PCDHA9: variants seen among roughly 807,000 people sequenced by gnomAD.
PCDHA9 encodes protocadherin alpha 9.
In PCDHA9, 62 loss-of-function variants were observed where a neutral mutation model predicts 62.0. The ratio of observed to expected loss-of-function variants is 1.00; its 90% CI spans 0.81 to 1.23. The LOEUF (loss-of-function observed/expected upper bound fraction) is 1.23. Among genes scored for constraint, PCDHA9 ranks in the 50% most tolerant of loss-of-function variants. PCDHA9 has a pLI of 0.00. For synonymous variants in PCDHA9, 557 were observed against 567.6 expected, an observed-to-expected ratio of 0.98 and a Z score of 0.27; for missense variants, 1,205 against 1,249.8, an observed-to-expected ratio of 0.96 and a Z score of 0.54.
chr5:140,987,799 A>C (rs2097268880), intron 3 of PCDHA9, among the ~76,000 whole-genome samples: 2 of 152,140 alleles, frequency 1.3e-5, no homozygotes, highest in South Asian at 4.1e-4. Flanking sequence ...GATTTTTTTA[A>C]AGTGCCTGTC....
chr5:140,861,274 GCT>G lies in PCDHA9; in HGVS notation c.2394+10386_2394+10387del, dbSNP rs538032435. The G allele has an allele frequency of 1.4e-4, 25 of 180,670 alleles. 1 individual carries two copies. In the South Asian group the frequency reaches 2.9e-3, roughly 21 times the overall value. 11.2% of individuals were successfully genotyped at this position (180,670 alleles called of 1,614,324 possible). On this transcript the variant is annotated intron_variant, in intron 1 of 3. Transcript: ENST00000532602. The stretch of plus-strand genomic sequence containing the variant: ...AGGAATCCCGGAGCCTACAGCACTG[GCT>G]TCTGCTCCTTGAATTTTGTGAAGCG...
chr5:140,861,130 A>C (rs1554154191), intron 1 of PCDHA9: 1 of 153,606 alleles, frequency 6.5e-6, no homozygotes, highest in Non-Finnish European at 1.4e-5. Flanking sequence ...CATTAAGACC[A>C]CTTGGAACCT....
At chr5:140,871,103 C>A (rs202137231) in intron 1 of PCDHA9, 29 of 1,613,172 alleles carry the variant, frequency 1.8e-5, no homozygotes, top group South Asian at 1.2e-4. Context: ...GTGCTGGTGT[C>A]GTTGGTGGAG....
At chr5:140,899,574 C>T (rs890849786) in intron 1 of PCDHA9, among the ~76,000 whole-genome samples, 2 of 152,112 alleles carry the variant, frequency 1.3e-5, no homozygotes, top group African/African-American at 4.8e-5. Context: ...CTGCTGGATT[C>T]GGTTTGCCAG....
At chr5:140,902,103 A>AT (rs1435105079) in intron 1 of PCDHA9, among the ~76,000 whole-genome samples, 1 of 151,172 alleles carries the variant, frequency 6.6e-6, no homozygotes, top group Non-Finnish European at 1.5e-5. Context: ...GAGTCTTTAG[A>AT]TTTTTTTAAA....
chr5:140,850,931 T>C, intron 1 of PCDHA9, 42 bp downstream of exon 1: 1 of 1,516,410 alleles, frequency 6.6e-7, no homozygotes, highest in Non-Finnish European at 8.9e-7. Flanking sequence ...TAATTTTTTT[T>C]CTTGAAAGAT....
At chr5:140,990,341 C>A (rs2097389083) in intron 3 of PCDHA9, among the ~76,000 whole-genome samples, 1 of 152,110 alleles carries the variant, frequency 6.6e-6, no homozygotes, top group South Asian at 2.1e-4. Flanking sequence ...ATAAGTAAAG[C>A]CTGCCCTGTA....
intron 1 of PCDHA9, among the ~76,000 whole-genome samples, chr5:140,880,084 T>C (rs1554171167): frequency 6.6e-6 from 1 of 152,208 alleles, no homozygotes. Context: ...CAACCTATTA[T>C]AGTAGGCTTA....
chr5:140,854,848 A>C (rs1384152430), intron 1 of PCDHA9, among the ~76,000 whole-genome samples: 2 of 149,876 alleles, frequency 1.3e-5, no homozygotes, highest in African/African-American at 4.9e-5. Flanking sequence ...ACATTGATAA[A>C]ATTACTAGAT....
chr5:140,879,126 G>T (rs2057860982), intron 1 of PCDHA9, among the ~76,000 whole-genome samples: 2 of 152,182 alleles, frequency 1.3e-5, no homozygotes, highest in Admixed American at 1.3e-4. Context: ...GATTAGAGCA[G>T]GGGAGATTGT....
intron 1 of PCDHA9, among the ~76,000 whole-genome samples, chr5:140,969,721 C>A (rs1399042401): frequency 6.6e-5 from 10 of 152,126 alleles, no homozygotes; most frequent in African/African-American, 2.2e-4. Context: ...GGAAATTTTT[C>A]TTTTGAAATC....
chr5:140,982,708 C>G (rs550422492), intron 3 of PCDHA9, 145 bp downstream of exon 3: 1 of 1,373,770 alleles, frequency 7.3e-7, no homozygotes, highest in African/African-American at 1.5e-5. Flanking sequence ...GATTTCCTTA[C>G]ATATATGATT....
At chr5:140,884,498 G>C in intron 1 of PCDHA9, 5 of 1,614,076 alleles carry the variant, frequency 3.1e-6, no homozygotes, top group Non-Finnish European at 4.2e-6. Context: ...GTGCTCCAGC[G>C]CGGCAGGGAG....
intron 1 of PCDHA9, chr5:140,875,216 A>G: frequency 1.4e-6 from 1 of 717,612 alleles, no homozygotes. Flanking sequence ...ACCGAAAAGA[A>G]CCTCAGGATC....
At chr5:140,985,577 G>A (rs1265916995) in intron 3 of PCDHA9, among the ~76,000 whole-genome samples, 1 of 152,116 alleles carries the variant, frequency 6.6e-6, no homozygotes, top group Non-Finnish European at 1.5e-5. Flanking sequence ...TGGTGCCTAA[G>A]CCTCCTTATA....
intron 1 of PCDHA9, among the ~76,000 whole-genome samples, chr5:140,971,471 G>A (rs1274091500): frequency 1.3e-5 from 2 of 152,172 alleles, no homozygotes; most frequent in African/African-American, 4.8e-5. Context: ...TATAGGGAGA[G>A]AGTGTCACAT....
chr5:140,929,465 A>G (rs2086179280), intron 1 of PCDHA9: 1 of 1,322,058 alleles, frequency 7.6e-7, no homozygotes, highest in African/African-American at 1.5e-5. Flanking sequence ...CTGTGCCAAG[A>G]AATCTGGAAG....
rs565095262 is a variant in PCDHA9, at chr5:140,873,057, T to C, written c.2394+22168T>C. 8.5e-4 allele frequency among the ~76,000 whole-genome samples: 129 copies of C among 152,336 alleles called. 1 individual carries two copies. Among genetic ancestry groups the C allele is most frequent in the Middle Eastern group, 3.4e-3 (1 of 294 alleles). ...TAGAGTGGTGGTATTACAGACTTTC[T>C]TGAGAATCATATCTAGCTATTTCCC... On this transcript the variant is annotated intron_variant, in intron 1 of 3. Transcript: ENST00000532602.
chr5:140,999,885 G>A (rs1250861955), intron 3 of PCDHA9, among the ~76,000 whole-genome samples: 1 of 152,200 alleles, frequency 6.6e-6, no homozygotes, highest in Non-Finnish European at 1.5e-5. Context: ...TAGCCCAGCT[G>A]TAGCTTGGGA....
Sources: gnomAD v4.1 joint callset for allele counts (sites outside exome capture counted in the v4.1 genomes callset) on GRCh38, gnomAD v4.1.1 for gene constraint, MANE v1.5 for transcripts, NCBI Gene and HGNC (gene_info 2026-07-23, HGNC 2026-07-21) for gene names.